Variants in CCDC178 observed in about 807,000 individuals in gnomAD.
CCDC178 encodes the protein coiled-coil domain containing 178.
In CCDC178, 126 loss-of-function variants were observed where a neutral mutation model predicts 117.4. The observed-to-expected ratio is 1.07, with a 90% CI of 0.93 to 1.24. CCDC178 has a LOEUF of 1.24. Ranked by LOEUF, CCDC178 falls within the 50% of genes most tolerant of loss-of-function variation. CCDC178 has a pLI of 0.00. For synonymous variants in CCDC178, 283 were observed against 313.4 expected (o/e 0.90, Z 1.02); for missense variants, 1,030 against 986.9 (o/e 1.04, Z -0.59).
At chr18:33,140,709 G>A (rs753852924) in intron 20 of CCDC178, among the ~76,000 whole-genome samples, 3 of 152,186 alleles carry the variant, frequency 2.0e-5, no homozygotes, top group South Asian at 2.1e-4. Context: ...TGTCTCAGAT[G>A]AGACATTGTA....
At chr18:33,312,636 T>G (rs1284502123) in intron 11 of CCDC178, among the ~76,000 whole-genome samples, 1 of 152,170 alleles carries the variant, frequency 6.6e-6, no homozygotes, top group Non-Finnish European at 1.5e-5. Context: ...CACCTTGCCT[T>G]TGATCTGTTG....
intron 10 of CCDC178, among the ~76,000 whole-genome samples, chr18:33,328,831 C>A (rs2062624529): frequency 6.6e-6 from 1 of 152,064 alleles, no homozygotes; most frequent in Admixed American, 6.5e-5. Flanking sequence ...TTTTCCATTT[C>A]TGCAAAAGAT....
intron 22 of CCDC178, among the ~76,000 whole-genome samples, chr18:32,942,391 ATCT>A (rs2054258494): frequency 2.0e-5 from 3 of 152,150 alleles, no homozygotes; most frequent in Non-Finnish European, 2.9e-5. Context: ...ATCACTGTAA[ATCT>A]TCTTTTACAG....
chr18:33,417,939 A>G (rs999877431), intron 2 of CCDC178, among the ~76,000 whole-genome samples: 1 of 152,008 alleles, frequency 6.6e-6, no homozygotes, highest in Non-Finnish European at 1.5e-5. Context: ...TACCATTCCT[A>G]CTGAAATTAT....
In CCDC178 at chr18:33,323,478, GA is replaced by G; in HGVS notation, c.1022+12del. 1.4e-6 allele frequency: 2 copies of G among 1,442,284 alleles called. No homozygotes were observed. Among genetic ancestry groups the G allele is most frequent in the Non-Finnish European group, 9.1e-7 (1 of 1,093,316 alleles). 89.3% of individuals were successfully genotyped at this position (1,442,284 alleles called of 1,614,324 possible). A position where few individuals can be genotyped will look rare whatever the true frequency, so the allele number is the denominator to read the frequency against. On this transcript the variant is annotated intron_variant, in intron 11 of 22. Coordinates refer to ENST00000383096, the MANE Select transcript of CCDC178 (RefSeq NM_001105528.4). ...TCTAAATGCTATAATTAGTGTTTGC[GA>G]AAAATTCTTACTTGTAGGCCTCTAT... is the stretch of plus-strand genomic sequence containing the variant.
intron 20 of CCDC178, among the ~76,000 whole-genome samples, chr18:33,116,325 A>C (rs1172716281): frequency 6.6e-6 from 1 of 152,182 alleles, no homozygotes; most frequent in East Asian, 1.9e-4. Flanking sequence ...GAAAAGTCTA[A>C]GGCAAAGATG....
At chr18:33,242,718 T>G (rs1039251256) in intron 15 of CCDC178, among the ~76,000 whole-genome samples, 2 of 151,688 alleles carry the variant, frequency 1.3e-5, no homozygotes, top group Non-Finnish European at 3.0e-5. Flanking sequence ...ATCATCAAAC[T>G]CCAGTTAGGA....
At chr18:33,049,148 A>T (rs2056697715) in intron 21 of CCDC178, among the ~76,000 whole-genome samples, 1 of 152,176 alleles carries the variant, frequency 6.6e-6, no homozygotes, top group Non-Finnish European at 1.5e-5. Flanking sequence ...ATGGGATAAA[A>T]GAGTATTAAC....
chr18:33,019,913 ATATTAT>A (rs35536059), intron 21 of CCDC178, among the ~76,000 whole-genome samples: 31,791 of 137,348 alleles, frequency 0.23, 3,741 homozygotes, highest in Non-Finnish European at 0.25. Context: ...CTTAACTGAG[ATATTAT>A]TATTATTATT....
intron 12 of CCDC178, among the ~76,000 whole-genome samples, chr18:33,283,801 G>A (rs878923210): frequency 3.3e-5 from 5 of 152,232 alleles, no homozygotes; most frequent in Non-Finnish European, 7.3e-5. Context: ...CTTATACACT[G>A]TTGGTGGGAC....
Position 33,091,324 on chromosome 18 carries a change from C to CTTTTTTTTTTTTTTTTTT in CCDC178, c.2388+1419_2388+1436dup, listed in dbSNP as rs746505005. ...CTTTCCCAAACACACTTATTTCATT[C>CTTTTTTTTTTTTTTTTTT]TTTTTTTTTTTTTTTTTTTTTTTTT... On this transcript the variant is annotated intron_variant, in intron 21 of 22. Coordinates refer to ENST00000383096, the MANE Select transcript of CCDC178 (RefSeq NM_001105528.4). Among the ~76,000 whole-genome samples the CTTTTTTTTTTTTTTTTTT allele has an allele frequency of 7.7e-3, 337 of 43,900 alleles. 134 individuals are homozygous for CTTTTTTTTTTTTTTTTTT. The highest frequency in any genetic ancestry group is 9.2e-3 in the Non-Finnish European group (226 of 24,584). 28.8% of individuals were successfully genotyped at this position (43,900 alleles called of 152,430 possible).
chr18:33,361,523 C>T (rs2063127795), intron 6 of CCDC178, among the ~76,000 whole-genome samples: 1 of 151,254 alleles, frequency 6.6e-6, no homozygotes, highest in African/African-American at 2.4e-5. Flanking sequence ...ATGAAAAGTC[C>T]AGTTACATAC....
intron 21 of CCDC178, among the ~76,000 whole-genome samples, chr18:32,991,126 A>T (rs949898901): frequency 3.4e-5 from 5 of 148,888 alleles, no homozygotes; most frequent in Admixed American, 2.0e-4. Context: ...GGGGGCTATT[A>T]TCATTTTACA....
chr18:33,391,688 C>A (rs2063567256), intron 4 of CCDC178, among the ~76,000 whole-genome samples: 1 of 151,818 alleles, frequency 6.6e-6, no homozygotes, highest in Non-Finnish European at 1.5e-5. Flanking sequence ...GATTCCATGT[C>A]ATAAAAAATA....
intron 21 of CCDC178, among the ~76,000 whole-genome samples, chr18:33,082,165 G>A (rs1050553941): frequency 3.9e-5 from 6 of 152,086 alleles, no homozygotes; most frequent in African/African-American, 1.4e-4. Context: ...GTGTACACAG[G>A]TATACACAGA....
Position 33,415,699 on chromosome 18 carries a change from A to T in CCDC178, c.-22-3589T>A, listed in dbSNP as rs533838669. ...TACCCTAGAACTTAAAGTATAGTTT[A>T]AAAAAAACAGAAATAAAAGAAAATT... On this transcript the variant is annotated intron_variant, in intron 2 of 22. Coordinates refer to ENST00000383096, the MANE Select transcript of CCDC178 (RefSeq NM_001105528.4). 3.3e-4 allele frequency among the ~76,000 whole-genome samples: 50 copies of T among 152,074 alleles called. No homozygotes were observed. In the South Asian group the frequency reaches 6.7e-3, roughly 20 times the overall value.
At chr18:33,314,518 A>G (rs8097023) in intron 11 of CCDC178, among the ~76,000 whole-genome samples, 55,035 of 151,830 alleles carry the variant, frequency 0.36, 10,143 homozygotes, top group East Asian at 0.49. Context: ...ATAAAACTGA[A>G]GCCTTGTGAG....
At chr18:33,417,172 C>T (rs542346544) in intron 2 of CCDC178, among the ~76,000 whole-genome samples, 3 of 152,160 alleles carry the variant, frequency 2.0e-5, no homozygotes, top group African/African-American at 7.2e-5. Context: ...CCACAATAGC[C>T]AAAACCTGCA....
intron 2 of CCDC178, among the ~76,000 whole-genome samples, chr18:33,430,290 T>C (rs915846381): frequency 6.6e-6 from 1 of 152,238 alleles, no homozygotes; most frequent in Non-Finnish European, 1.5e-5. Context: ...AAATATTATA[T>C]GAAATGCACA....
Sources: allele counts gnomAD v4.1 joint callset (sites outside exome capture counted in the v4.1 genomes callset), GRCh38; gene constraint gnomAD v4.1.1; transcripts MANE v1.5; gene names NCBI Gene and HGNC (gene_info 2026-07-23, HGNC 2026-07-21).